TMEM135: variants seen among roughly 807,000 people sequenced by gnomAD.
The protein encoded by TMEM135 is peroxisomal membrane protein 52.
Under a neutral mutation model 60.3 loss-of-function variants are expected in TMEM135, and 30 were observed. That is an observed-to-expected ratio of 0.50 (90% CI 0.37 to 0.68). The LOEUF is 0.68. Ranked by LOEUF, TMEM135 falls within the 30% of genes least tolerant of loss-of-function variation. TMEM135 has a pLI of 0.00. For missense variants in TMEM135, 468 were observed against 548.8 expected, an observed-to-expected ratio of 0.85 and a Z score of 1.47; for synonymous variants, 190 against 186.7, an observed-to-expected ratio of 1.02 and a Z score of -0.14.
At chr11:87,196,581 A>T (rs587063) in intron 5 of TMEM135, among the ~76,000 whole-genome samples, 19,689 of 152,056 alleles carry the variant, frequency 0.13, 1,332 homozygotes, top group Non-Finnish European at 0.15. Flanking sequence ...ATAGTGGGGA[A>T]TATTATTTTT....
chr11:87,228,274 G>A (rs1321375705), intron 5 of TMEM135, among the ~76,000 whole-genome samples: 3 of 152,082 alleles, frequency 2.0e-5, no homozygotes, highest in African/African-American at 7.2e-5. Flanking sequence ...GAAGGAGGGT[G>A]AGAATTTGTG....
In TMEM135 at chr11:87,189,699, C is replaced by G. The variant is rs75126405; in HGVS notation, c.462+32293C>G. Among the ~76,000 whole-genome samples, 1,400 of 149,296 alleles carry G rather than the reference C, an allele frequency of 9.4e-3. 20 individuals are homozygous for G. Among genetic ancestry groups the G allele is most frequent in the African/African-American group, 0.032 (1,322 of 40,680 alleles). On this transcript the variant is annotated intron_variant, in intron 5 of 14. Transcript: ENST00000305494. ...TTTGGGAGACCAAAGAGGGAGGATG[C>G]TTGAGCCCAAGAGTTTGAGACTAGC...
intron 4 of TMEM135, among the ~76,000 whole-genome samples, chr11:87,111,239 G>A (rs1389191214): frequency 6.6e-6 from 1 of 152,008 alleles, no homozygotes; most frequent in Non-Finnish European, 1.5e-5. Flanking sequence ...AATTTAAAGG[G>A]ATTTTTTTGT....
chr11:87,312,263 T>C (rs1942652569), intron 10 of TMEM135, among the ~76,000 whole-genome samples: 1 of 151,640 alleles, frequency 6.6e-6, no homozygotes, highest in Admixed American at 6.6e-5. Context: ...TATTTGTACT[T>C]GCTTTAATTT....
chr11:87,097,240 G>A (rs551981608), intron 4 of TMEM135, among the ~76,000 whole-genome samples: 1 of 152,174 alleles, frequency 6.6e-6, no homozygotes, highest in East Asian at 1.9e-4. Flanking sequence ...CAAGTGATCT[G>A]CCCGCCTCGG....
chr11:87,155,654 T>A (rs1417162938), intron 4 of TMEM135, among the ~76,000 whole-genome samples: 1 of 151,978 alleles, frequency 6.6e-6, no homozygotes, highest in Non-Finnish European at 1.5e-5. Context: ...GGGGCTAGAG[T>A]TTTGAAGGCT....
intron 5 of TMEM135, among the ~76,000 whole-genome samples, chr11:87,228,203 G>T (rs914697010): frequency 6.6e-6 from 1 of 152,150 alleles, no homozygotes; most frequent in Non-Finnish European, 1.5e-5. Context: ...CAAGAATCAA[G>T]TATTAGGTAG....
chr11:87,198,278 A>G (rs889243577), intron 5 of TMEM135, among the ~76,000 whole-genome samples: 1 of 152,180 alleles, frequency 6.6e-6, no homozygotes, highest in Non-Finnish European at 1.5e-5. Flanking sequence ...TTATTTTACT[A>G]CACATTTGTA....
chr11:87,267,906 G>T (rs943112596), intron 6 of TMEM135, among the ~76,000 whole-genome samples: 1 of 151,992 alleles, frequency 6.6e-6, no homozygotes. Context: ...TGACCAGAAT[G>T]GTCTCGAACT....
In TMEM135 at chr11:87,071,515, A is replaced by C. The variant is rs778469631; in HGVS notation, c.270-8A>C. The stretch of plus-strand genomic sequence containing the variant: ...ATTTCATACAAAAATTCCAAATTTG[A>C]ATTTCAGGAAGATACTTGGAAAATT... On this transcript the variant is annotated splice_polypyrimidine_tract_variant and splice_region_variant and intron_variant, in intron 2 of 14. Transcript: ENST00000305494. The C allele has an allele frequency of 6.2e-7, 1 of 1,613,120 alleles. No homozygotes were observed. The highest frequency in any genetic ancestry group is 1.1e-5 in the South Asian group (1 of 91,058).
At chr11:87,125,932 T>A (rs1437233256) in intron 4 of TMEM135, among the ~76,000 whole-genome samples, 2 of 152,240 alleles carry the variant, frequency 1.3e-5, no homozygotes, top group African/African-American at 2.4e-5. Context: ...TTATACTGAT[T>A]TTACTGTTTT....
rs1421568754 is a variant in TMEM135, at chr11:87,327,730, T to C, written c.*6397T>C. ...GGGAAACTGATGGTGTAATTCTCAG[T>C]CCAAGGCTGAATTTTCAAGTCTGAG... On this transcript the variant is annotated 3_prime_UTR_variant, in exon 15 of 15. Coordinates refer to ENST00000305494, the MANE Select transcript of TMEM135 (RefSeq NM_022918.4). 2.2e-6 allele frequency: 1 copy of C among 453,804 alleles called. No individual in the cohort carries two copies. Among genetic ancestry groups the C allele is most frequent in the African/African-American group, 2.0e-5 (1 of 49,946 alleles). The allele number at this position is 453,804 out of a possible 1,614,324, so 28.1% of individuals were successfully genotyped here.
chr11:87,229,671 C>A (rs749215099), intron 5 of TMEM135, among the ~76,000 whole-genome samples: 18 of 152,146 alleles, frequency 1.2e-4, no homozygotes, highest in Non-Finnish European at 2.1e-4. Flanking sequence ...TGCATCCACT[C>A]TGATTCATAG....
intron 3 of TMEM135, among the ~76,000 whole-genome samples, chr11:87,080,030 C>CG (rs1340319521): frequency 6.6e-6 from 1 of 150,936 alleles, no homozygotes; most frequent in Non-Finnish European, 1.5e-5. Flanking sequence ...TTAGTGGAGA[C>CG]GGGGTTTCAC....
At chr11:87,253,697 A>ATCTATC (rs1941467814) in intron 6 of TMEM135, among the ~76,000 whole-genome samples, 1 of 138,884 alleles carries the variant, frequency 7.2e-6, no homozygotes, top group African/African-American at 2.6e-5. Context: ...ATATATATAT[A>ATCTATC]TCCTGGTGTA....
chr11:87,093,479 G>A (rs1001086666), intron 4 of TMEM135, among the ~76,000 whole-genome samples: 1 of 152,028 alleles, frequency 6.6e-6, no homozygotes, highest in Non-Finnish European at 1.5e-5. Flanking sequence ...CCAAAGTGCT[G>A]TGATTATAGG....
At chr11:87,174,681 C>T (rs570949701) in intron 5 of TMEM135, among the ~76,000 whole-genome samples, 47 of 152,214 alleles carry the variant, frequency 3.1e-4, no homozygotes, top group African/African-American at 9.6e-4. Flanking sequence ...TAAGTCCTCA[C>T]GTCATGTCAT....
chr11:87,290,947 C>T (rs867783327), intron 6 of TMEM135, among the ~76,000 whole-genome samples: 1 of 152,046 alleles, frequency 6.6e-6, no homozygotes, highest in South Asian at 2.1e-4. Context: ...AAAAATGAGA[C>T]TTTATATTAG....
intron 4 of TMEM135, among the ~76,000 whole-genome samples, chr11:87,106,307 T>G (rs1253079776): frequency 6.6e-6 from 1 of 152,144 alleles, no homozygotes; most frequent in Non-Finnish European, 1.5e-5. Flanking sequence ...TTTCACCATG[T>G]TGGCCAGGCT....
Sources: allele counts gnomAD v4.1 joint callset (sites outside exome capture counted in the v4.1 genomes callset), GRCh38; gene constraint gnomAD v4.1.1; transcripts MANE v1.5; gene names NCBI Gene and HGNC (gene_info 2026-07-23, HGNC 2026-07-21).